ERC2: variants seen among roughly 807,000 people sequenced by gnomAD.
ERC2 encodes the protein ELKS/RAB6-interacting/CAST family member 2.
A neutral mutation model predicts 114.8 loss-of-function variants in ERC2; 42 were observed. The observed-to-expected ratio is 0.37, with a 90% CI of 0.29 to 0.47. ERC2 has a LOEUF of 0.47. Ranked by LOEUF, ERC2 falls within the 20% of genes least tolerant of loss-of-function variation. The pLI, the probability that ERC2 is intolerant of heterozygous loss-of-function variation, is 0.99. For missense variants in ERC2, 939 were observed against 1,150.7 expected, an observed-to-expected ratio of 0.82 and a Z score of 2.66; for synonymous variants, 454 against 425.5, an observed-to-expected ratio of 1.07 and a Z score of -0.82.
intron 7 of ERC2, among the ~76,000 whole-genome samples, chr3:56,054,596 TTC>T (rs1176778246): frequency 6.6e-6 from 1 of 152,232 alleles, no homozygotes; most frequent in Non-Finnish European, 1.5e-5. Context: ...TATCATTTCA[TTC>T]TCCTAATAAT....
intron 13 of ERC2, among the ~76,000 whole-genome samples, chr3:55,897,198 C>G (rs1488557035): frequency 6.6e-6 from 1 of 152,190 alleles, no homozygotes; most frequent in Admixed American, 6.5e-5. Flanking sequence ...AAACCAGCCT[C>G]TCTCTCAGTT....
rs186156653 is a variant in ERC2 at position 56,370,858 on chromosome 3, T to C, written c.657+63493A>G. Among the ~76,000 whole-genome samples the C allele has an allele frequency of 1.2e-4, 19 of 152,264 alleles. 1 individual carries two copies. Among genetic ancestry groups the C allele is most frequent in the Admixed American group, 3.3e-4 (5 of 15,288 alleles). On this transcript the variant is annotated intron_variant, in intron 2 of 17. Transcript: ENST00000288221. ...ATCTGCCTGCCTTGGCCTCCCAAAG[T>C]GTTGGGATTGCAGGCATGAGGCACT...
intron 12 of ERC2, among the ~76,000 whole-genome samples, chr3:55,967,753 C>T (rs138628296): frequency 1.3e-3 from 198 of 152,254 alleles, no homozygotes; most frequent in Non-Finnish European, 2.2e-3. Flanking sequence ...ATGGAGGCAC[C>T]GTCCTTATGA....
At chr3:55,696,910 C>G (rs1159932380) in intron 16 of ERC2, among the ~76,000 whole-genome samples, 1 of 152,188 alleles carries the variant, frequency 6.6e-6, no homozygotes, top group African/African-American at 2.4e-5. Flanking sequence ...AGGAGCCTTA[C>G]TGACTTGATG....
intron 13 of ERC2, among the ~76,000 whole-genome samples, chr3:55,924,110 T>C (rs148339159): frequency 5.9e-5 from 9 of 152,222 alleles, no homozygotes; most frequent in African/African-American, 2.2e-4. Context: ...ACACATACCA[T>C]AGAAAAGCAC....
intron 3 of ERC2, among the ~76,000 whole-genome samples, chr3:56,191,255 G>C (rs567292837): frequency 1.3e-5 from 2 of 152,070 alleles, no homozygotes; most frequent in Non-Finnish European, 2.9e-5. Context: ...GGGGTCCAGG[G>C]AAAACATGCC....
intron 7 of ERC2, among the ~76,000 whole-genome samples, chr3:56,024,868 G>A (rs775004853): frequency 3.3e-5 from 5 of 152,110 alleles, no homozygotes; most frequent in South Asian, 2.1e-4. Context: ...ATATGGTCCC[G>A]GCAACTCTTT....
At chr3:56,219,777 C>T (rs2049774632) in intron 3 of ERC2, among the ~76,000 whole-genome samples, 1 of 151,940 alleles carries the variant, frequency 6.6e-6, no homozygotes, top group African/African-American at 2.4e-5. Context: ...GGAGCTGCTC[C>T]CTACTTCCAG....
At chr3:55,641,743 G>T (rs546257563) in intron 17 of ERC2, among the ~76,000 whole-genome samples, 1 of 151,840 alleles carries the variant, frequency 6.6e-6, no homozygotes, top group South Asian at 2.1e-4. Flanking sequence ...CTACTGTTTT[G>T]GTTATCATGA....
intron 14 of ERC2, among the ~76,000 whole-genome samples, chr3:55,860,444 T>G (rs927240892): frequency 3.9e-5 from 6 of 152,156 alleles, no homozygotes; most frequent in Admixed American, 6.5e-5. Flanking sequence ...TTCTCTTTTC[T>G]TTTTTGGTAT....
chr3:56,091,269 C>A (rs997261711), intron 6 of ERC2, among the ~76,000 whole-genome samples: 1 of 151,658 alleles, frequency 6.6e-6, no homozygotes, highest in Non-Finnish European at 1.5e-5. Flanking sequence ...AGACAGCTGG[C>A]AGAACTGAGG....
rs1201613428 is a variant in ERC2, at chr3:56,232,134, C to CTT, written c.1075-58616_1075-58615dup. Among the ~76,000 whole-genome samples the CTT allele has an allele frequency of 3.2e-3, 407 of 128,108 alleles. 2 individuals are homozygous for CTT. The highest frequency in any genetic ancestry group is 0.01 in the African/African-American group (362 of 34,822). 84.0% of individuals were successfully genotyped at this position (128,108 alleles called of 152,430 possible). A position where few individuals can be genotyped will look rare whatever the true frequency, so the allele number is the denominator to read the frequency against. On this transcript the variant is annotated intron_variant, in intron 3 of 17. Transcript: ENST00000288221. ...TACAGGCATGCACCACCACTCCTGG[C>CTT]TTTTTTTTTTTTTTTTTTGACAGAG...
intron 17 of ERC2, among the ~76,000 whole-genome samples, chr3:55,582,418 C>T (rs1170218294): frequency 6.6e-6 from 1 of 152,214 alleles, no homozygotes; most frequent in African/African-American, 2.4e-5. Flanking sequence ...CCTCCTCAAA[C>T]AGTGTCAAGT....
chr3:56,061,473 T>A (rs2076243015), intron 7 of ERC2, among the ~76,000 whole-genome samples: 1 of 152,196 alleles, frequency 6.6e-6, no homozygotes, highest in Non-Finnish European at 1.5e-5. Context: ...CTTAGCACAG[T>A]GTTTGTTTAG....
At chr3:55,960,951 A>G (rs2068316756) in intron 12 of ERC2, among the ~76,000 whole-genome samples, 1 of 152,236 alleles carries the variant, frequency 6.6e-6, no homozygotes, top group South Asian at 2.1e-4. Context: ...CCTGGCCAAC[A>G]TGGCAAAACC....
chr3:56,191,838 C>T (rs530394205), intron 3 of ERC2, among the ~76,000 whole-genome samples: 1 of 152,050 alleles, frequency 6.6e-6, no homozygotes, highest in Non-Finnish European at 1.5e-5. Context: ...CGGATGAACT[C>T]AAATCTCATC....
chr3:55,715,676 A>C (rs2064079497), intron 15 of ERC2, among the ~76,000 whole-genome samples: 1 of 152,212 alleles, frequency 6.6e-6, no homozygotes, highest in African/African-American at 2.4e-5. Context: ...TAACCCATTA[A>C]AAGAATAAAG....
At chr3:55,743,593 C>CAAAAAAAAAAAAAA (rs367859231) in intron 14 of ERC2, among the ~76,000 whole-genome samples, 5 of 97,182 alleles carry the variant, frequency 5.1e-5, no homozygotes, top group Non-Finnish European at 9.6e-5. Flanking sequence ...CCTGATCCAC[C>CAAAAAAAAAAAAAA]AAAAAAAAAA....
rs568556575 is a variant in ERC2, at chr3:55,750,853, A to C, written c.2565-15935T>G. Among the ~76,000 whole-genome samples, 6 of 152,336 alleles carry C rather than the reference A, an allele frequency of 3.9e-5. No homozygotes were observed. The South Asian group carries it at 1.2e-3, about 32-fold the overall frequency. On this transcript the variant is annotated intron_variant, in intron 14 of 17. Transcript: ENST00000288221. ...CATGCACACATGAGGATGTAGGAACATTATGTGTAAGTTGTTTTCTGGGGA... is the reference window on the plus strand; with the variant it reads ...CATGCACACATGAGGATGTAGGAACCTTATGTGTAAGTTGTTTTCTGGGGA...
Sources: allele counts gnomAD v4.1 joint callset (sites outside exome capture counted in the v4.1 genomes callset), GRCh38; gene constraint gnomAD v4.1.1; transcripts MANE v1.5; gene names NCBI Gene and HGNC (gene_info 2026-07-23, HGNC 2026-07-21).